Variants in TEX11 observed in about 807,000 individuals in gnomAD.
The protein encoded by TEX11 is testis-expressed protein 11.
In TEX11, 7 loss-of-function variants were observed where a neutral mutation model predicts 84.4. That is an observed-to-expected ratio of 0.08 (90% confidence interval 0.05 to 0.16). The LOEUF (loss-of-function observed/expected upper bound fraction) is 0.16. TEX11 is among the 10% of genes least tolerant of loss of function. The pLI is 1.00. For missense variants in TEX11, 551 were observed against 660.5 expected, an observed-to-expected ratio of 0.83 and a Z score of 1.82; for synonymous variants, 264 against 222.8, an observed-to-expected ratio of 1.18 and a Z score of -1.64.
intron 8 of TEX11, among the ~76,000 whole-genome samples, chrX:70,813,308 G>A (rs765256439): frequency 1.1e-4 from 12 of 111,583 alleles, no homozygotes; most frequent in African/African-American, 3.9e-4. Context: ...GCAAATCAAT[G>A]AATGTAATCC....
chrX:70,632,018 C>T (rs367822815), intron 17 of TEX11, among the ~76,000 whole-genome samples: 42 of 90,911 alleles, frequency 4.6e-4, no homozygotes, highest in African/African-American at 1.7e-3. Context: ...AGTGTTAAAA[C>T]TCATTGTAAG....
chrX:70,607,749 G>A (rs1477994750), intron 22 of TEX11, among the ~76,000 whole-genome samples: 1 of 112,158 alleles, frequency 8.9e-6, no homozygotes, highest in Non-Finnish European at 1.9e-5. Context: ...CTTCCAAAGA[G>A]CAGTAGAAGC....
chrX:70,728,369 G>A (rs1400645210), intron 11 of TEX11, among the ~76,000 whole-genome samples: 5 of 113,137 alleles, frequency 4.4e-5, no homozygotes, highest in East Asian at 2.8e-4. Flanking sequence ...GCGAGGCATC[G>A]CCTCACCAGG....
intron 7 of TEX11, among the ~76,000 whole-genome samples, chrX:70,835,578 G>A (rs1350925081): frequency 2.7e-5 from 3 of 111,914 alleles, no homozygotes; most frequent in Admixed American, 9.5e-5. Flanking sequence ...GATGTCCTGC[G>A]TATACTGATG....
At chrX:70,839,234 C>G (rs2091425910) in intron 7 of TEX11, among the ~76,000 whole-genome samples, 1 of 63,820 alleles carries the variant, frequency 1.6e-5, no homozygotes, top group East Asian at 7.4e-4. Context: ...AACTGGGAGG[C>G]ACCCCCAGGA....
chrX:70,795,039 A>G (rs1374498774), intron 9 of TEX11, among the ~76,000 whole-genome samples: 1 of 108,826 alleles, frequency 9.2e-6, no homozygotes, highest in African/African-American at 3.3e-5. Context: ...TGGGTCCCCA[A>G]TTCCAGACCT....
chrX:70,736,167 G>T (rs2090694651), intron 11 of TEX11, among the ~76,000 whole-genome samples: 1 of 110,596 alleles, frequency 9.0e-6, no homozygotes, highest in African/African-American at 3.3e-5. Flanking sequence ...TTGTGCTTTT[G>T]GTGTAGTATC....
chrX:70,803,602 T>C (rs1008776818), intron 9 of TEX11, among the ~76,000 whole-genome samples: 5 of 112,120 alleles, frequency 4.5e-5, no homozygotes, highest in Non-Finnish European at 9.4e-5. Context: ...TTATATATTA[T>C]CATTTGTGAA....
chrX:70,728,472 G>A (rs978103979), intron 11 of TEX11, among the ~76,000 whole-genome samples: 1 of 112,934 alleles, frequency 8.9e-6, no homozygotes, highest in African/African-American at 3.2e-5. Context: ...CCATAATACT[G>A]CGCACTTCCA....
chrX:70,755,468 C>T (rs1056572678), intron 9 of TEX11, among the ~76,000 whole-genome samples: 4 of 111,227 alleles, frequency 3.6e-5, no homozygotes, highest in African/African-American at 6.5e-5. Context: ...TGAAAATATA[C>T]GGTCAGAGGA....
At chrX:70,757,376 G>A (rs1264232913) in intron 9 of TEX11, among the ~76,000 whole-genome samples, 1 of 111,482 alleles carries the variant, frequency 9.0e-6, no homozygotes, top group Non-Finnish European at 1.9e-5. Context: ...AGAAAGAAAG[G>A]TCAGGTTACC....
At position 70,612,456 on chromosome X, in the gene TEX11, C is replaced by T. The variant is rs192221543; in HGVS notation, c.1752-1913G>A. 6.3e-5 allele frequency among the ~76,000 whole-genome samples: 7 copies of T among 110,425 alleles called. No homozygotes were observed. In the Admixed American group the frequency reaches 6.8e-4, roughly 11 times the overall value. The stretch of plus-strand genomic sequence containing the variant: ...TGGACAGCATGCAAGGGCAGATCAG[C>T]AAAGTAATCAGAGAGATGGAAATCC... On this transcript the variant is annotated intron_variant, in intron 20 of 29. Coordinates refer to ENST00000374333, the MANE Select transcript of TEX11 (RefSeq NM_031276.3).
At chrX:70,719,371 T>C (rs1406575347) in intron 13 of TEX11, among the ~76,000 whole-genome samples, 1 of 112,017 alleles carries the variant, frequency 8.9e-6, no homozygotes, top group African/African-American at 3.2e-5. Context: ...TACATTAAAC[T>C]TAAGACACAG....
At chrX:70,818,632 T>C (rs755262079) in intron 8 of TEX11, among the ~76,000 whole-genome samples, 20 of 110,788 alleles carry the variant, frequency 1.8e-4, no homozygotes, top group Non-Finnish European at 2.8e-4. Flanking sequence ...GAGCCTGTGA[T>C]ACTGCTCCCC....
intron 4 of TEX11, among the ~76,000 whole-genome samples, chrX:70,865,909 A>C (rs2091596689): frequency 8.9e-6 from 1 of 112,090 alleles, no homozygotes; most frequent in Non-Finnish European, 1.9e-5. Flanking sequence ...TGGGAAATTT[A>C]CAGCACTAAA....
At chrX:70,782,778 T>A (rs2091050125) in intron 9 of TEX11, among the ~76,000 whole-genome samples, 2 of 108,493 alleles carry the variant, frequency 1.8e-5, no homozygotes, top group Admixed American at 2.0e-4. Context: ...CAAGAAGAGC[T>A]AACTATCTTA....
intron 17 of TEX11, among the ~76,000 whole-genome samples, chrX:70,634,511 A>G (rs2089546293): frequency 9.0e-6 from 1 of 111,568 alleles, no homozygotes; most frequent in Non-Finnish European, 1.9e-5. Flanking sequence ...GTTGACTTCA[A>G]ATTTATTACA....
At position 70,880,129 on chromosome X, in the gene TEX11, T is replaced by C. The variant is rs2091675248; in HGVS notation, c.38-20A>G. On this transcript the variant is annotated intron_variant, in intron 2 of 29. Transcript: ENST00000374333. The stretch of plus-strand genomic sequence containing the variant: ...CAACTTCTGAAATGACAATGGATGA[T>C]AAATGTGCTGTGAACTATTACCATT... 2 of 1,152,187 alleles carry C rather than the reference T, an allele frequency of 1.7e-6. No homozygotes were observed. The highest frequency in any genetic ancestry group is 4.8e-4 in the Middle Eastern group (2 of 4,131). 95.0% of individuals were successfully genotyped at this position (1,152,187 alleles called of 1,213,427 possible). A position where few individuals can be genotyped will look rare whatever the true frequency, so the allele number is the denominator to read the frequency against.
intron 28 of TEX11, among the ~76,000 whole-genome samples, chrX:70,539,530 C>G (rs1421528607): frequency 1.8e-5 from 2 of 111,071 alleles, no homozygotes; most frequent in African/African-American, 6.5e-5. Context: ...GGTTACAAAA[C>G]GCCTTTGTGA....
Sources: allele counts gnomAD v4.1 joint callset (sites outside exome capture counted in the v4.1 genomes callset), GRCh38; gene constraint gnomAD v4.1.1; transcripts MANE v1.5; gene names NCBI Gene and HGNC (gene_info 2026-07-23, HGNC 2026-07-21).